CD163L1: variants seen among roughly 807,000 people sequenced by gnomAD.
The protein encoded by CD163L1 is scavenger receptor cysteine-rich type 1 protein M160.
A neutral mutation model predicts 165.4 loss-of-function variants in CD163L1; 124 were observed. The observed-to-expected ratio is 0.75, with a 90% confidence interval of 0.65 to 0.87. The LOEUF (loss-of-function observed/expected upper bound fraction) is 0.87, where lower values mean the gene tolerates loss of function less well. CD163L1 is among the 40% of genes least tolerant of loss of function. The probability of loss-of-function intolerance (pLI) is 0.00; values close to 1 mark genes in which losing one functional copy is unlikely to be tolerated. For missense variants in CD163L1, 1,525 were observed against 1,799.9 expected, an observed-to-expected ratio of 0.85 and a Z score of 2.76; for synonymous variants, 585 against 662.2, an observed-to-expected ratio of 0.88 and a Z score of 1.79.
chr12:7,439,056 G>A, intron 2 of CD163L1: 1 of 1,588,826 alleles, frequency 6.3e-7, no homozygotes, highest in Non-Finnish European at 8.5e-7. Flanking sequence ...GCACTGTCTA[G>A]GGGCTTCTCA....
intron 4 of CD163L1, among the ~76,000 whole-genome samples, chr12:7,421,758 TATATATA>T (rs1565811171): frequency 5.3e-5 from 7 of 132,314 alleles, no homozygotes; most frequent in African/African-American, 2.3e-4. Context: ...TATATATATA[TATATATA>T]TATATTTTTT....
chr12:7,335,643 G>C, the CD163L1 span, among the ~76,000 whole-genome samples: 3 of 151,876 alleles, frequency 2.0e-5, no homozygotes, highest in Admixed American at 6.6e-5. Flanking sequence ...GCAACAAAAG[G>C]CAAAATTGAC....
the CD163L1 span, among the ~76,000 whole-genome samples, chr12:7,330,393 T>C: frequency 1.3e-5 from 2 of 152,222 alleles, no homozygotes; most frequent in Non-Finnish European, 2.9e-5. Context: ...CTAGACAGTT[T>C]ACTTCACAGA....
chr12:7,385,473 A>G (rs1413055430), intron 8 of CD163L1, among the ~76,000 whole-genome samples: 1 of 152,014 alleles, frequency 6.6e-6, no homozygotes, highest in Non-Finnish European at 1.5e-5. Flanking sequence ...ACCAATAAAG[A>G]AACATCAGAT....
chr12:7,396,145 C>T lies in CD163L1; in HGVS notation c.2000G>A (p.Trp667Ter). 2.5e-6 allele frequency: 4 copies of T among 1,614,132 alleles called. No homozygotes were observed. The highest frequency in any genetic ancestry group is 3.4e-6 in the Non-Finnish European group (4 of 1,180,004). The change falls in exon 8 of 20, where the codon TGG becomes TAG. Residue 667 changes from tryptophan (W) to a stop codon, truncating the protein, a stop_gained. Coordinates refer to ENST00000313599, the MANE Select transcript of CD163L1 (RefSeq NM_174941.6). LOFTEE classifies it high-confidence loss of function. ...ACTGTGACTGCAGTCATTATTTCCC[C>T]ACCCACTGTTCCTGCATGACCAGAG... ...SDLWSCRNSG[W>*]GNNDCSHSED... is the part of the protein sequence containing the mutation.
chr12:7,357,587 A>G, intron 18 of CD163L1, 101 bp from the exon 19 acceptor site: 1 of 859,794 alleles, frequency 1.2e-6, no homozygotes, highest in Non-Finnish European at 1.9e-6. Context: ...AAAGTATAAT[A>G]GAGCAAGAGG....
intron 2 of CD163L1, among the ~76,000 whole-genome samples, chr12:7,436,643 A>G (rs932844736): frequency 1.3e-5 from 2 of 152,084 alleles, no homozygotes; most frequent in African/African-American, 4.8e-5. Context: ...ATAGTGGCAC[A>G]CATCTGTAGC....
At chr12:7,386,434 A>C (rs1009070329) in intron 8 of CD163L1, among the ~76,000 whole-genome samples, 6 of 152,052 alleles carry the variant, frequency 3.9e-5, no homozygotes, top group Non-Finnish European at 5.9e-5. Context: ...TTCCAAAAAA[A>C]TCAAAGAGGA....
In CD163L1 at chr12:7,373,401, TA is replaced by T; in HGVS notation, c.3648del (p.His1216GlnfsTer31). 1 of 1,614,210 alleles carries T rather than the reference TA, an allele frequency of 6.2e-7. No individual in the cohort carries two copies. Among genetic ancestry groups the T allele is most frequent in the Non-Finnish European group, 8.5e-7 (1 of 1,180,028 alleles). ...WVDDIQCPKT[H>X]ISIWQCLSAP... ...GCAGACAGGCACTGCCATATGGAGA[TA>T]TGCGTTTTAGGACACTGAATGTCAT... is the stretch of plus-strand genomic sequence containing the variant. On this transcript the variant is annotated frameshift_variant, in exon 14 of 20. Coordinates refer to ENST00000313599, the MANE Select transcript of CD163L1 (RefSeq NM_174941.6). LOFTEE classifies it high-confidence loss of function.
Position 7,375,521 on chromosome 12 carries a change from A to G in CD163L1, c.2761T>C (p.Trp921Arg). The G allele has an allele frequency of 6.2e-7, 1 of 1,614,106 alleles. No individual in the cohort carries two copies. Among genetic ancestry groups the G allele is most frequent in the Non-Finnish European group, 8.5e-7 (1 of 1,180,026 alleles). ...GQVEINVLGHWGSLCDTHWDP... is the reference protein window; with the variant it reads ...GQVEINVLGHRGSLCDTHWDP... ...CAGTGGGTGTCACACAGTGAGCCCC[A>G]GTGTCCAAGCACGTTGATCTCCACT... Residue 921 changes from tryptophan to arginine, a missense_variant, in exon 11 of 20, where the codon TGG (tryptophan) becomes CGG (arginine). Coordinates refer to ENST00000313599, the MANE Select transcript of CD163L1 (RefSeq NM_174941.6).
intron 2 of CD163L1, among the ~76,000 whole-genome samples, chr12:7,438,053 T>G (rs2136648322): frequency 6.6e-6 from 1 of 152,278 alleles, no homozygotes; most frequent in Non-Finnish European, 1.5e-5. Context: ...CACACATATT[T>G]TTACATGACT....
chr12:7,400,287 T>C lies in CD163L1; in HGVS notation c.1409-1703A>G, dbSNP rs929033712. On this transcript the variant is annotated intron_variant, in intron 6 of 19. Coordinates refer to ENST00000313599, the MANE Select transcript of CD163L1 (RefSeq NM_174941.6). This position sits in a 1 kb window ranked among gnomAD's most constrained non-coding sequence, Gnocchi z 4.1. ...ATAATGGAAACCAATGTATTCAATG[T>C]AGGTTAAATGTGTGGGGGTATGAAC... Among the ~76,000 whole-genome samples the C allele has an allele frequency of 6.6e-6, 1 of 152,200 alleles. No individual in the cohort carries two copies. The highest frequency in any genetic ancestry group is 1.5e-5 in the Non-Finnish European group (1 of 68,038).
chr12:7,437,333 TTTA>T (rs1328661905), intron 2 of CD163L1, among the ~76,000 whole-genome samples: 1 of 100,820 alleles, frequency 9.9e-6, no homozygotes, highest in Non-Finnish European at 2.1e-5. Context: ...TATTTTTATT[TTTA>T]TTAATATACT....
intron 18 of CD163L1, among the ~76,000 whole-genome samples, chr12:7,362,359 ATAT>A (rs1946915136): frequency 1.5e-5 from 2 of 137,530 alleles, no homozygotes; most frequent in Non-Finnish European, 3.0e-5. Flanking sequence ...TAATATAAAT[ATAT>A]TAAATATATA....
At chr12:7,428,026 A>C (rs1948573180) in intron 4 of CD163L1, among the ~76,000 whole-genome samples, 1 of 152,150 alleles carries the variant, frequency 6.6e-6, no homozygotes, top group Non-Finnish European at 1.5e-5. Context: ...ATGTCATTCT[A>C]TTATAAATTT....
rs1013271007 is a variant in CD163L1 at position 7,360,582 on chromosome 12, T to C, written c.4280-3096A>G. Among the ~76,000 whole-genome samples, 3 of 152,202 alleles carry C rather than the reference T, an allele frequency of 2.0e-5. No homozygotes were observed. The East Asian group carries it at 5.8e-4, about 29-fold the overall frequency. On this transcript the variant is annotated intron_variant, in intron 18 of 19. Coordinates refer to ENST00000313599, the MANE Select transcript of CD163L1 (RefSeq NM_174941.6). ...ATTTTTTTCTGTTATCTCCTTTCTG[T>C]TGTTGAGGCAATCCAGTGATTTTTT...
intron 8 of CD163L1, among the ~76,000 whole-genome samples, chr12:7,392,523 G>C (rs1488247590): frequency 6.6e-6 from 1 of 152,098 alleles, no homozygotes; most frequent in African/African-American, 2.4e-5. Context: ...AACTAGAGAA[G>C]CAAGAGCAAA....
chr12:7,421,442 T>C (rs1262960607), intron 4 of CD163L1, among the ~76,000 whole-genome samples: 1 of 124,734 alleles, frequency 8.0e-6, no homozygotes, highest in African/African-American at 3.2e-5. Flanking sequence ...CATATATACA[T>C]ATACATATAT....
intron 19 of CD163L1, 88 bp downstream of exon 19, chr12:7,357,292 A>T: frequency 2.6e-6 from 2 of 768,566 alleles, no homozygotes; most frequent in Non-Finnish European, 4.4e-6. Flanking sequence ...ATATATGGTA[A>T]TATAAATATT....
Sources: gnomAD v4.1 joint callset for allele counts (sites outside exome capture counted in the v4.1 genomes callset) on GRCh38, gnomAD v4.1.1 for gene constraint, Gnocchi (gnomAD v3.1) non-coding constraint, MANE v1.5 for transcripts, NCBI Gene and HGNC (gene_info 2026-07-23, HGNC 2026-07-21) for gene names.